The following TRMT11 variants were observed in gnomAD, a reference collection of about 807,000 sequenced individuals.
TRMT11 encodes the protein tRNA methyltransferase 11.
TRMT11 carries 53 observed loss-of-function variants against 62.8 expected under a neutral mutation model. That is an observed-to-expected ratio of 0.84 (90% confidence interval 0.68 to 1.06). The LOEUF (loss-of-function observed/expected upper bound fraction) is 1.06, where lower values mean the gene tolerates loss of function less well. Ranked by LOEUF, TRMT11 falls within the 50% of genes least tolerant of loss-of-function variation. TRMT11 has a pLI of 0.00. For synonymous variants in TRMT11, 188 were observed against 190.3 expected (o/e 0.99, Z 0.10); for missense variants, 556 against 553.4 (o/e 1.00, Z -0.05).
chr6:126,093,676 C>G (rs978918286), intron 17 of TRMT11, among the ~76,000 whole-genome samples: 23 of 135,274 alleles, frequency 1.7e-4, no homozygotes, highest in African/African-American at 1.1e-4. Flanking sequence ...GGAACTTGCT[C>G]AAGAGCTTAG....
intron 11 of TRMT11, 121 bp downstream of exon 11, chr6:126,013,222 T>C: frequency 1.1e-6 from 1 of 877,274 alleles, no homozygotes; most frequent in Non-Finnish European, 1.7e-6. Flanking sequence ...TGTAATAGCC[T>C]TTGTTTGCCT....
At chr6:126,169,194 AG>A (rs1392383235) in intron 21 of TRMT11, among the ~76,000 whole-genome samples, 1 of 152,216 alleles carries the variant, frequency 6.6e-6, no homozygotes, top group Non-Finnish European at 1.5e-5. Flanking sequence ...TTATTAAGGC[AG>A]GCCAGCTTTA....
the TRMT11 span, among the ~76,000 whole-genome samples, chr6:126,209,447 G>A: frequency 1.3e-5 from 2 of 151,980 alleles, no homozygotes; most frequent in South Asian, 2.1e-4. Flanking sequence ...TAGGCCGGGC[G>A]CGGTGGCTCA....
chr6:126,113,307 A>G (rs556694820), intron 18 of TRMT11, among the ~76,000 whole-genome samples: 2 of 152,138 alleles, frequency 1.3e-5, no homozygotes, highest in South Asian at 4.1e-4. Flanking sequence ...TGGATGATAA[A>G]CTGTATGGTC....
chr6:126,012,150 C>T (rs1324723233), intron 9 of TRMT11, among the ~76,000 whole-genome samples: 2 of 152,108 alleles, frequency 1.3e-5, no homozygotes, highest in Non-Finnish European at 2.9e-5. Flanking sequence ...GAAAAATTAT[C>T]AAGGCCTTAT....
chr6:126,018,461 A>G (rs1795304155), intron 11 of TRMT11, among the ~76,000 whole-genome samples: 1 of 152,052 alleles, frequency 6.6e-6, no homozygotes, highest in Non-Finnish European at 1.5e-5. Context: ...GCCTATGTAC[A>G]CAATTATTTT....
intron 18 of TRMT11, among the ~76,000 whole-genome samples, chr6:126,113,643 T>C (rs551306229): frequency 6.6e-6 from 1 of 152,230 alleles, no homozygotes; most frequent in South Asian, 2.1e-4. Flanking sequence ...ATGATCTATA[T>C]AGATATATCT....
chr6:126,207,887 A>T (rs1334427533), downstream of TRMT11, among the ~76,000 whole-genome samples: 1 of 152,244 alleles, frequency 6.6e-6, no homozygotes, highest in South Asian at 2.1e-4. Flanking sequence ...AAAACTAAAG[A>T]CATTGATTAA....
At chr6:126,000,403 G>A (rs1449588105) in intron 7 of TRMT11, among the ~76,000 whole-genome samples, 1 of 152,112 alleles carries the variant, frequency 6.6e-6, no homozygotes, top group African/African-American at 2.4e-5. Flanking sequence ...TTATTGAATA[G>A]TAAATGTATC....
At chr6:126,021,107 C>T in intron 11 of TRMT11, 53 bp from the exon 12 acceptor site, 1 of 1,605,290 alleles carries the variant, frequency 6.2e-7, no homozygotes, top group Non-Finnish European at 8.5e-7. Flanking sequence ...CCCCATGATT[C>T]TTTGTGGCCC....
intron 17 of TRMT11, among the ~76,000 whole-genome samples, chr6:126,102,558 A>G (rs1777414062): frequency 6.6e-6 from 1 of 151,964 alleles, no homozygotes; most frequent in Admixed American, 6.5e-5. Flanking sequence ...CAAGTTGCCC[A>G]GTGATTTAGT....
At chr6:125,990,597 C>G (rs1790447473) in intron 1 of TRMT11, among the ~76,000 whole-genome samples, 1 of 152,134 alleles carries the variant, frequency 6.6e-6, no homozygotes, top group Non-Finnish European at 1.5e-5. Context: ...TTTTTGTTAT[C>G]TTTCTATGCC....
chr6:125,995,326 C>G (rs1338794652), intron 2 of TRMT11, among the ~76,000 whole-genome samples: 5 of 152,064 alleles, frequency 3.3e-5, no homozygotes, highest in African/African-American at 9.7e-5. Flanking sequence ...AGGTCAGGAT[C>G]CTTTTGGATT....
chr6:126,146,380 C>G (rs1461492015), intron 21 of TRMT11, among the ~76,000 whole-genome samples: 1 of 152,180 alleles, frequency 6.6e-6, no homozygotes, highest in African/African-American at 2.4e-5. Context: ...AAAGTAGCAG[C>G]AGGATTAGGC....
At chr6:126,011,534 A>G in intron 9 of TRMT11, 117 bp downstream of exon 9, 1 of 779,550 alleles carries the variant, frequency 1.3e-6, no homozygotes, top group Non-Finnish European at 2.1e-6. Flanking sequence ...TATTTCTCCC[A>G]TCTACCCCCA....
the TRMT11 span, among the ~76,000 whole-genome samples, chr6:126,263,814 C>G: frequency 1.3e-5 from 2 of 152,168 alleles, no homozygotes; most frequent in African/African-American, 2.4e-5. Flanking sequence ...TGAAGTTTCT[C>G]AAACCTCAGA....
At chr6:126,008,179 G>GTATA (rs1562255760) in intron 7 of TRMT11, among the ~76,000 whole-genome samples, 1 of 151,964 alleles carries the variant, frequency 6.6e-6, no homozygotes, top group African/African-American at 2.4e-5. Context: ...TGATGCCAGG[G>GTATA]TATACATTAA....
intron 12 of TRMT11, among the ~76,000 whole-genome samples, chr6:126,032,098 T>C (rs1311072231): frequency 6.6e-6 from 1 of 152,116 alleles, no homozygotes. Flanking sequence ...GATTGTTTTC[T>C]TGTATATGTT....
At chr6:126,221,628 C>T in the TRMT11 span, among the ~76,000 whole-genome samples, 11 of 152,142 alleles carry the variant, frequency 7.2e-5, no homozygotes, top group Admixed American at 5.9e-4. Flanking sequence ...GTTTAAGTTC[C>T]TGATAGATTC....
Sources: gnomAD v4.1 joint callset for allele counts (sites outside exome capture counted in the v4.1 genomes callset) on GRCh38, gnomAD v4.1.1 for gene constraint, MANE v1.5 for transcripts, NCBI Gene and HGNC (gene_info 2026-07-23, HGNC 2026-07-21) for gene names.